Variants in SMU1 observed in about 807,000 individuals in gnomAD.
The protein encoded by SMU1 is WD40 repeat-containing protein SMU1.
Under a neutral mutation model 62.0 loss-of-function variants are expected in SMU1, and 2 were observed. The observed-to-expected ratio is 0.03, with a 90% CI of 0.01 to 0.10. SMU1 has a LOEUF of 0.10. Among genes scored for constraint, SMU1 ranks in the 10% least tolerant of loss-of-function variants. The probability of loss-of-function intolerance (pLI) is 1.00; values close to 1 mark genes in which losing one functional copy is unlikely to be tolerated. For synonymous variants in SMU1, 188 were observed against 212.4 expected (o/e 0.89, Z 1.00); for missense variants, 227 against 622.1 (o/e 0.36, Z 6.76).
chr9:33,074,617 T>A (rs937208959), intron 1 of SMU1, among the ~76,000 whole-genome samples: 9 of 151,892 alleles, frequency 5.9e-5, no homozygotes, highest in African/African-American at 2.2e-4. Flanking sequence ...CTCAAAAAAA[T>A]AAATAAAATA....
At chr9:33,054,846 A>G (rs2119428558) in intron 9 of SMU1, among the ~76,000 whole-genome samples, 1 of 152,254 alleles carries the variant, frequency 6.6e-6, no homozygotes, top group Non-Finnish European at 1.5e-5. Context: ...AAAAATGAAC[A>G]TTTCAGGAAT....
At position 33,053,187 on chromosome 9, in the gene SMU1, T is replaced by A. The variant is rs1306951886; in HGVS notation, c.1226A>T (p.Asn409Ile). Residue 409 changes from asparagine to isoleucine, a missense_variant, in exon 10 of 12, where the codon AAC becomes ATC. Asn to Ile is a moderately radical substitution (Grantham distance 149, BLOSUM62 -3). Around this residue, in one of 5 missense-constraint regions of SMU1, gnomAD observed 98 missense variants for 195.9 expected, o/e 0.50. Coordinates refer to ENST00000397149, the MANE Select transcript of SMU1 (RefSeq NM_018225.3). The part of the protein sequence containing the change: ...TVNSVILLPK[N>I]PEHFVVCNRS... ...GTTGCACACCACAAAGTGCTCAGGGTTTTTAGGAAGTAGAATCACACTGTT... is the reference window on the plus strand; with the variant it reads ...GTTGCACACCACAAAGTGCTCAGGGATTTTAGGAAGTAGAATCACACTGTT... The A allele has an allele frequency of 1.9e-6, 3 of 1,611,978 alleles. No individual in the cohort carries two copies. Among genetic ancestry groups the A allele is most frequent in the Non-Finnish European group, 1.7e-6 (2 of 1,179,960 alleles).
At position 33,071,830 on chromosome 9, in the gene SMU1, A is replaced by C. The variant is rs1050023957; in HGVS notation, c.300T>G (p.Thr100=). 1.2e-6 allele frequency: 2 copies of C among 1,606,776 alleles called. No individual in the cohort carries two copies. The highest frequency in any genetic ancestry group is 8.5e-7 in the Non-Finnish European group (1 of 1,177,978). Residue 100 remains threonine, a synonymous_variant, in exon 3 of 12, where the codon ACT becomes ACG. Transcript: ENST00000397149. Reference sequence around the variant, plus strand: ...TTTGTTTTAACATGATCATGGGATCAGTCTGTCTCAAAAGTGACCTGGCAG... The same window carrying C: ...TTTGTTTTAACATGATCATGGGATCCGTCTGTCTCAAAAGTGACCTGGCAG... ...LGAARSLLRQ[T]DPMIMLKQTQ...
intron 4 of SMU1, among the ~76,000 whole-genome samples, chr9:33,068,127 AAAGTT>A (rs1212690207): frequency 6.6e-6 from 1 of 152,204 alleles, no homozygotes; most frequent in African/African-American, 2.4e-5. Context: ...TGGGACCAGA[AAAGTT>A]AAGTAATTTG....
chr9:33,067,565 C>T (rs568327390), intron 4 of SMU1, among the ~76,000 whole-genome samples: 2 of 145,722 alleles, frequency 1.4e-5, no homozygotes, highest in African/African-American at 5.1e-5. Context: ...ATGGCTCAAT[C>T]TCGGCTCACT....
intron 4 of SMU1, among the ~76,000 whole-genome samples, chr9:33,063,408 T>G (rs1245608476): frequency 6.6e-6 from 1 of 152,036 alleles, no homozygotes; most frequent in East Asian, 1.9e-4. Context: ...ATAATATAAG[T>G]GAAGCCTGTA....
At chr9:33,076,552 A>G (rs1839548581) in intron 1 of SMU1, 31 bp downstream of exon 1, 4 of 1,613,324 alleles carry the variant, frequency 2.5e-6, no homozygotes, top group Non-Finnish European at 3.4e-6. Flanking sequence ...GGCCCCCGGC[A>G]AGGCGCGAAC....
intron 4 of SMU1, among the ~76,000 whole-genome samples, chr9:33,063,348 G>A (rs572761776): frequency 6.6e-6 from 1 of 151,956 alleles, no homozygotes; most frequent in South Asian, 2.1e-4. Flanking sequence ...GGGCAACAGA[G>A]TGAGACTGTC....
In SMU1 at chr9:33,046,966, T is replaced by C. The variant is rs1839192651; in HGVS notation, c.*327A>G. The C allele has an allele frequency of 1.0e-5, 2 of 198,168 alleles. No individual in the cohort carries two copies. Among genetic ancestry groups the C allele is most frequent in the South Asian group, 9.9e-5 (1 of 10,092 alleles). 12.3% of individuals were successfully genotyped at this position (198,168 alleles called of 1,614,324 possible). A position where few individuals can be genotyped will look rare whatever the true frequency, so the allele number is the denominator to read the frequency against. On this transcript the variant is annotated 3_prime_UTR_variant, in exon 12 of 12. Coordinates refer to ENST00000397149, the MANE Select transcript of SMU1 (RefSeq NM_018225.3). Reference sequence around the variant, plus strand: ...AGTTCCTTATTTACAAGTTTTACTATGGGAGGGACATTTTCCTCAGCATTT... The same window carrying C: ...AGTTCCTTATTTACAAGTTTTACTACGGGAGGGACATTTTCCTCAGCATTT...
chr9:33,074,259 G>A (rs1188979042), intron 1 of SMU1, among the ~76,000 whole-genome samples: 1 of 152,134 alleles, frequency 6.6e-6, no homozygotes, highest in East Asian at 1.9e-4. Context: ...AAACCAGGAG[G>A]TTTGAGACCA....
intron 10 of SMU1, 128 bp from the exon 11 acceptor site, chr9:33,048,386 C>T: frequency 2.6e-6 from 3 of 1,138,334 alleles, no homozygotes; most frequent in South Asian, 1.6e-5. Flanking sequence ...GTAATTAGAT[C>T]TCCAGTCCTG....
At chr9:33,068,985 T>G in intron 3 of SMU1, 51 bp from the exon 4 acceptor site, 1 of 1,588,946 alleles carries the variant, frequency 6.3e-7, no homozygotes. Context: ...CAACAAGATA[T>G]GAGTGTGCTT....
intron 6 of SMU1, among the ~76,000 whole-genome samples, chr9:33,058,083 ACCTTTC>A (rs1839321424): frequency 6.6e-6 from 1 of 152,176 alleles, no homozygotes; most frequent in Non-Finnish European, 1.5e-5. Context: ...ATGATCAGCT[ACCTTTC>A]CTGAAACAGT....
At chr9:33,051,136 T>A (rs1233259714) in intron 10 of SMU1, among the ~76,000 whole-genome samples, 869 of 59,300 alleles carry the variant, frequency 0.015, 107 homozygotes, top group African/African-American at 0.055. Flanking sequence ...AAAAAAAAAA[T>A]AAAAATAAAA....
chr9:33,066,492 T>C (rs1839420755), intron 4 of SMU1, among the ~76,000 whole-genome samples: 1 of 115,786 alleles, frequency 8.6e-6, no homozygotes, highest in African/African-American at 3.2e-5. Flanking sequence ...CAAGGCTCTG[T>C]GTTCCATTTA....
At chr9:33,076,359 C>A (rs1173545162) in intron 1 of SMU1, among the ~76,000 whole-genome samples, 1 of 152,188 alleles carries the variant, frequency 6.6e-6, no homozygotes, top group African/African-American at 2.4e-5. Flanking sequence ...GTGTTTTCCC[C>A]ACCCGTGCCA....
chr9:33,055,583 G>A (rs1839295123), intron 9 of SMU1, among the ~76,000 whole-genome samples: 1 of 152,108 alleles, frequency 6.6e-6, no homozygotes, highest in Admixed American at 6.6e-5. Flanking sequence ...TAAAGGTACT[G>A]AAGATCCATT....
At chr9:33,062,657 A>G (rs1341804569) in intron 4 of SMU1, among the ~76,000 whole-genome samples, 1 of 152,142 alleles carries the variant, frequency 6.6e-6, no homozygotes, top group African/African-American at 2.4e-5. Context: ...GCTGTAAAAT[A>G]TATCCCATCT....
intron 2 of SMU1, 49 bp from the exon 3 acceptor site, chr9:33,071,941 C>A (rs760621076): frequency 8.2e-6 from 12 of 1,469,708 alleles, no homozygotes; most frequent in Middle Eastern, 3.6e-4. Flanking sequence ...TTCAACACAC[C>A]GTCTTATTAA....
Sources: allele counts gnomAD v4.1 joint callset (sites outside exome capture counted in the v4.1 genomes callset), GRCh38; gene constraint gnomAD v4.1.1; regional missense constraint gnomAD v4.1.1; transcripts MANE v1.5; gene names NCBI Gene and HGNC (gene_info 2026-07-23, HGNC 2026-07-21).